The following LRRIQ3 variants were observed in gnomAD, a reference collection of about 807,000 sequenced individuals.
The protein encoded by LRRIQ3 is leucine rich repeats and IQ motif containing 3, also known as leucine-rich repeat and IQ domain-containing protein 3.
A neutral mutation model predicts 59.3 loss-of-function variants in LRRIQ3; 75 were observed. That is an observed-to-expected ratio of 1.26 (90% CI 1.05 to 1.53). LRRIQ3 has a LOEUF of 1.53. Ranked by LOEUF, LRRIQ3 falls within the 40% of genes most tolerant of loss-of-function variation. LRRIQ3 has a pLI of 0.00. For missense variants in LRRIQ3, 831 were observed against 710.0 expected (o/e 1.17, Z -1.94); for synonymous variants, 250 against 231.3 (o/e 1.08, Z -0.73).
intron 3 of LRRIQ3, among the ~76,000 whole-genome samples, chr1:74,164,168 T>C (rs1014457360): frequency 2.0e-5 from 3 of 151,354 alleles, no homozygotes; most frequent in African/African-American, 7.3e-5. Flanking sequence ...ATACATTTTC[T>C]ATATACTAGT....
At chr1:74,181,668 A>C (rs554594408) in intron 3 of LRRIQ3, 20 of 151,988 alleles carry the variant, frequency 1.3e-4, no homozygotes, top group Admixed American at 1.2e-3. Flanking sequence ...CTATTAGTAC[A>C]AAATTATTAC....
At chr1:74,170,257 C>T (rs1466533545) in intron 3 of LRRIQ3, among the ~76,000 whole-genome samples, 7 of 152,022 alleles carry the variant, frequency 4.6e-5, no homozygotes, top group African/African-American at 1.2e-4. Context: ...TTGCCAAGAC[C>T]GATGTCAAGA....
chr1:74,192,645 C>T (rs1164696396), intron 1 of LRRIQ3, among the ~76,000 whole-genome samples: 1 of 151,980 alleles, frequency 6.6e-6, no homozygotes. Flanking sequence ...CCTCTGCCAA[C>T]AATATGTATT....
At chr1:74,173,932 G>A (rs534482810) in intron 3 of LRRIQ3, among the ~76,000 whole-genome samples, 50 of 151,996 alleles carry the variant, frequency 3.3e-4, no homozygotes, top group African/African-American at 1.2e-3. Flanking sequence ...TTGTTTATAT[G>A]GTGTTCTGAA....
chr1:74,128,583 C>T (rs1019418866), intron 4 of LRRIQ3, among the ~76,000 whole-genome samples: 1 of 152,092 alleles, frequency 6.6e-6, no homozygotes, highest in East Asian at 1.9e-4. Context: ...TCTCTCTCAA[C>T]AGGATTAGTC....
intron 4 of LRRIQ3, among the ~76,000 whole-genome samples, chr1:74,123,267 T>C (rs1483576264): frequency 6.6e-6 from 1 of 152,040 alleles, no homozygotes; most frequent in Non-Finnish European, 1.5e-5. Context: ...GGGGTATCCA[T>C]CACCTCAAGC....
chr1:74,074,075 G>A (rs1248930608), intron 6 of LRRIQ3, among the ~76,000 whole-genome samples: 1 of 152,034 alleles, frequency 6.6e-6, no homozygotes, highest in Non-Finnish European at 1.5e-5. Context: ...ATACTTGACA[G>A]ATTTCCTGAA....
chr1:74,075,070 A>G (rs1331090424), intron 5 of LRRIQ3, among the ~76,000 whole-genome samples: 1 of 152,170 alleles, frequency 6.6e-6, no homozygotes, highest in Non-Finnish European at 1.5e-5. Flanking sequence ...CAAAAGGAAC[A>G]AGGGAAGAGG....
At chr1:74,074,457 C>G (rs1457654007) in intron 6 of LRRIQ3, among the ~76,000 whole-genome samples, 2 of 152,020 alleles carry the variant, frequency 1.3e-5, no homozygotes, top group African/African-American at 4.8e-5. Context: ...CATTTTTTAG[C>G]TTTTTATACA....
intron 3 of LRRIQ3, among the ~76,000 whole-genome samples, chr1:74,170,450 C>A (rs1209827439): frequency 6.6e-6 from 1 of 152,070 alleles, no homozygotes; most frequent in Non-Finnish European, 1.5e-5. Flanking sequence ...ATTCTTGGCA[C>A]CCTTGCTGAA....
At chr1:74,124,725 T>C (rs1245310735) in intron 4 of LRRIQ3, among the ~76,000 whole-genome samples, 2 of 151,984 alleles carry the variant, frequency 1.3e-5, no homozygotes, top group Admixed American at 1.3e-4. Context: ...TATATGTCTG[T>C]TTTTAGAACA....
At chr1:74,060,748 C>T (rs954880890) in intron 6 of LRRIQ3, among the ~76,000 whole-genome samples, 1 of 151,936 alleles carries the variant, frequency 6.6e-6, no homozygotes, top group Non-Finnish European at 1.5e-5. Flanking sequence ...ACATCTGCCA[C>T]CAAGGGACCA....
chr1:74,097,994 C>A (rs1473141368), intron 5 of LRRIQ3, among the ~76,000 whole-genome samples: 1 of 152,152 alleles, frequency 6.6e-6, no homozygotes, highest in African/African-American at 2.4e-5. Flanking sequence ...GAAACTGCAT[C>A]AACTAATGAG....
intron 6 of LRRIQ3, among the ~76,000 whole-genome samples, chr1:74,057,327 T>C (rs1449730474): frequency 3.3e-5 from 5 of 151,964 alleles, no homozygotes; most frequent in African/African-American, 9.7e-5. Flanking sequence ...AGTGGAAGCA[T>C]AGTACCTGAC....
In LRRIQ3 at chr1:74,173,006, T is replaced by A. The variant is rs192252733; in HGVS notation, c.573+9532A>T. Among the ~76,000 whole-genome samples, 738 of 152,186 alleles carry A rather than the reference T, an allele frequency of 4.8e-3. 5 individuals are homozygous for A. Among genetic ancestry groups the A allele is most frequent in the Non-Finnish European group, 7.6e-3 (519 of 67,974 alleles). ...AGCATATAGTTGGGTCTCGGTTTTTTAAAAATCCATTCAGGCCAGGCACAG... is the reference window on the plus strand; with the variant it reads ...AGCATATAGTTGGGTCTCGGTTTTTAAAAAATCCATTCAGGCCAGGCACAG... On this transcript the variant is annotated intron_variant, in intron 3 of 7. Transcript: ENST00000354431.
At chr1:74,105,136 G>C (rs1646591689) in intron 5 of LRRIQ3, among the ~76,000 whole-genome samples, 2 of 151,808 alleles carry the variant, frequency 1.3e-5, no homozygotes, top group Admixed American at 1.3e-4. Flanking sequence ...TTAAAAAGAT[G>C]TATAAACCTT....
chr1:74,195,662 A>G (rs1054167918), intron 1 of LRRIQ3, among the ~76,000 whole-genome samples: 2 of 152,226 alleles, frequency 1.3e-5, no homozygotes, highest in Admixed American at 1.3e-4. Context: ...TTTTCAATTT[A>G]TTATAGTCTA....
chr1:74,089,492 T>C (rs548983025), intron 5 of LRRIQ3, among the ~76,000 whole-genome samples: 30 of 152,186 alleles, frequency 2.0e-4, no homozygotes, highest in African/African-American at 6.5e-4. Flanking sequence ...TGTTGATAAA[T>C]GTTACAACAT....
At chr1:74,030,750 A>C (rs952557681) in intron 7 of LRRIQ3, among the ~76,000 whole-genome samples, 1 of 152,216 alleles carries the variant, frequency 6.6e-6, no homozygotes, top group Non-Finnish European at 1.5e-5. Context: ...CAAAAGCCGA[A>C]ATTGACAAAT....
Sources: gnomAD v4.1 joint callset for allele counts (sites outside exome capture counted in the v4.1 genomes callset) on GRCh38, gnomAD v4.1.1 for gene constraint, MANE v1.5 for transcripts, NCBI Gene and HGNC (gene_info 2026-07-23, HGNC 2026-07-21) for gene names.